The following KIF26B variants were observed in gnomAD, a reference collection of about 807,000 sequenced individuals.
KIF26B encodes the protein kinesin-like protein KIF26B.
KIF26B carries 63 observed loss-of-function variants against 151.2 expected under a neutral mutation model. The ratio of observed to expected loss-of-function variants is 0.42; its 90% CI spans 0.34 to 0.51. The LOEUF (loss-of-function observed/expected upper bound fraction) is 0.51, where lower values mean the gene tolerates loss of function less well. Among genes scored for constraint, KIF26B ranks in the 20% least tolerant of loss-of-function variants. The pLI, the probability that KIF26B is intolerant of heterozygous loss-of-function variation, is 0.07. For synonymous variants in KIF26B, 1,357 were observed against 1,262.1 expected (o/e 1.08, Z -1.59); for missense variants, 2,813 against 2,913.6 (o/e 0.97, Z 0.79).
At chr1:245,424,125 T>A (rs1203601668) in intron 4 of KIF26B, among the ~76,000 whole-genome samples, 2 of 152,128 alleles carry the variant, frequency 1.3e-5, no homozygotes, top group Admixed American at 6.5e-5. Context: ...ATTATAGTCA[T>A]GAGCCACTGC....
At chr1:245,198,948 G>C (rs1283254522) in intron 2 of KIF26B, among the ~76,000 whole-genome samples, 23 of 151,922 alleles carry the variant, frequency 1.5e-4, no homozygotes, top group Middle Eastern at 3.4e-3. Context: ...GGCAGCGTCG[G>C]GGGAGGCGGG....
At chr1:245,305,508 G>T (rs1671518669) in intron 2 of KIF26B, among the ~76,000 whole-genome samples, 1 of 152,142 alleles carries the variant, frequency 6.6e-6, no homozygotes, top group Admixed American at 6.5e-5. Flanking sequence ...AGCAGCATTA[G>T]CTATCAGGGA....
Position 245,200,711 on chromosome 1 carries a change from C to T in KIF26B, c.465+44028C>T, listed in dbSNP as rs79786017. Among the ~76,000 whole-genome samples, 564 of 152,216 alleles carry T rather than the reference C, an allele frequency of 3.7e-3. 3 individuals carry two copies. The highest frequency in any genetic ancestry group is 0.013 in the African/African-American group (532 of 41,522). On this transcript the variant is annotated intron_variant, in intron 2 of 14. Coordinates refer to ENST00000407071, the MANE Select transcript of KIF26B (RefSeq NM_018012.4). ...CCTGAATTTTTATTGTTATCTCTTC[C>T]GGAGTGGAAACCTGCCTTTTCATAG... is the stretch of plus-strand genomic sequence containing the variant.
chr1:245,533,722 T>C (rs878972908), intron 4 of KIF26B, among the ~76,000 whole-genome samples: 1 of 152,134 alleles, frequency 6.6e-6, no homozygotes, highest in Admixed American at 6.5e-5. Context: ...ATGACGGGTT[T>C]TCCATTTGAA....
rs568490453 is a variant in KIF26B, at chr1:245,423,509, A to G, written c.1166+3764A>G. ...TTTTTTTCACCGTAATCATGAACTG[A>G]TGATTGCTTATAAAACAGGTGTGAA... On this transcript the variant is annotated intron_variant, in intron 4 of 14. Coordinates refer to ENST00000407071, the MANE Select transcript of KIF26B (RefSeq NM_018012.4). Among the ~76,000 whole-genome samples, 3 of 151,518 alleles carry G rather than the reference A, an allele frequency of 2.0e-5. 1 individual carries two copies. Among genetic ancestry groups the G allele is most frequent in the African/African-American group, 7.3e-5 (3 of 41,264 alleles).
At chr1:245,315,521 A>G (rs1671752180) in intron 2 of KIF26B, among the ~76,000 whole-genome samples, 1 of 152,068 alleles carries the variant, frequency 6.6e-6, no homozygotes, top group African/African-American at 2.4e-5. Context: ...CAGGAGTTCA[A>G]GACCAGCCTG....
chr1:245,608,066 G>A lies in KIF26B; in HGVS notation c.1651+322G>A, dbSNP rs146405299. ...TTCCTGAGCAGCCGCTGTTTGGGAA[G>A]CAGATAGGGCCCCTTGCACCACCGC... is the stretch of plus-strand genomic sequence containing the variant. On this transcript the variant is annotated intron_variant, in intron 7 of 14. Coordinates refer to ENST00000407071, the MANE Select transcript of KIF26B (RefSeq NM_018012.4). 2.9e-3 allele frequency among the ~76,000 whole-genome samples: 447 copies of A among 152,290 alleles called. 1 individual carries two copies. The highest frequency in any genetic ancestry group is 1.0e-2 in the African/African-American group (414 of 41,554).
At chr1:245,517,578 G>C (rs11588538) in intron 4 of KIF26B, among the ~76,000 whole-genome samples, 1 of 152,076 alleles carries the variant, frequency 6.6e-6, no homozygotes, top group Admixed American at 6.5e-5. Context: ...TTGAGCGCTT[G>C]ATGTATTATA....
chr1:245,661,684 T>C (rs12123826), intron 10 of KIF26B, among the ~76,000 whole-genome samples: 75,685 of 148,104 alleles, frequency 0.51, 20,112 homozygotes, highest in Non-Finnish European at 0.6. Context: ...TATATATATA[T>C]ACACCCAATG....
intron 12 of KIF26B, among the ~76,000 whole-genome samples, chr1:245,691,048 G>A (rs1338589848): frequency 6.6e-6 from 1 of 152,220 alleles, no homozygotes; most frequent in Non-Finnish European, 1.5e-5. Flanking sequence ...GGCATCGGCT[G>A]CGTGGCCACG....
At chr1:245,225,993 A>G (rs1023505263) in intron 2 of KIF26B, 1 of 152,238 alleles carries the variant, frequency 6.6e-6, no homozygotes, top group Non-Finnish European at 1.5e-5. Flanking sequence ...TAGAAACAAA[A>G]TAGAGCAATT....
rs1422214793 is a variant in KIF26B at position 245,512,985 on chromosome 1, A to G, written c.1167-27782A>G. On this transcript the variant is annotated intron_variant, in intron 4 of 14. Transcript: ENST00000407071. This position sits in a 1 kb window ranked among gnomAD's most constrained non-coding sequence, Gnocchi z 4.3. ...TTCCCTGTTAAAGCAGATACCAGTT[A>G]TAGCCTTCCTGGGTTAGGGGAGACA... Among the ~76,000 whole-genome samples, 1 of 152,210 alleles carries G rather than the reference A, an allele frequency of 6.6e-6. No homozygotes were observed.
intron 2 of KIF26B, among the ~76,000 whole-genome samples, chr1:245,231,521 A>T (rs1031970812): frequency 2.6e-5 from 4 of 152,238 alleles, no homozygotes; most frequent in East Asian, 1.9e-4. Flanking sequence ...GTCTAAAAGA[A>T]AAATAAATAA....
chr1:245,365,670 A>G (rs868765144), intron 2 of KIF26B, among the ~76,000 whole-genome samples: 6 of 152,072 alleles, frequency 3.9e-5, no homozygotes, highest in African/African-American at 1.4e-4. Context: ...ACCTGCAACG[A>G]CTGTTGAGCC....
intron 2 of KIF26B, among the ~76,000 whole-genome samples, chr1:245,304,433 AT>A (rs767739105): frequency 9.2e-5 from 14 of 152,202 alleles, no homozygotes; most frequent in Non-Finnish European, 1.5e-4. Flanking sequence ...TGTCTGACCA[AT>A]GAAACAAAAT....
intron 4 of KIF26B, among the ~76,000 whole-genome samples, chr1:245,486,436 A>G (rs1015319305): frequency 2.0e-5 from 3 of 152,202 alleles, no homozygotes; most frequent in Non-Finnish European, 2.9e-5. Flanking sequence ...AGTGCTATAT[A>G]AATGGTTTCT....
chr1:245,644,631 G>A (rs2043927326), intron 9 of KIF26B, among the ~76,000 whole-genome samples: 1 of 152,308 alleles, frequency 6.6e-6, no homozygotes, highest in Non-Finnish European at 1.5e-5. Context: ...TTCAGTCTGT[G>A]GCTAAGTATG....
At chr1:245,629,314 C>G (rs2043755789) in intron 9 of KIF26B, among the ~76,000 whole-genome samples, 1 of 152,102 alleles carries the variant, frequency 6.6e-6, no homozygotes, top group Non-Finnish European at 1.5e-5. Flanking sequence ...AAGAACAAAG[C>G]TGGGAGGCAT....
chr1:245,193,759 G>A (rs937667896), intron 2 of KIF26B, among the ~76,000 whole-genome samples: 13 of 152,148 alleles, frequency 8.5e-5, no homozygotes, highest in African/African-American at 2.7e-4. Context: ...GTCATCTGTC[G>A]CCAGAGCGTC....
Sources: gnomAD v4.1 joint callset for allele counts (sites outside exome capture counted in the v4.1 genomes callset) on GRCh38, gnomAD v4.1.1 for gene constraint, Gnocchi (gnomAD v3.1) non-coding constraint, MANE v1.5 for transcripts, NCBI Gene and HGNC (gene_info 2026-07-23, HGNC 2026-07-21) for gene names.